TUNAR: variants seen among roughly 807,000 people sequenced by gnomAD.
TUNAR encodes transmembrane neural differentiation associated intracellular calcium regulator, also known as protein TUNAR.
intron 2 of TUNAR, among the ~76,000 whole-genome samples, chr14:95,881,220 A>G (rs1407272253): frequency 6.6e-6 from 1 of 152,250 alleles, no homozygotes; most frequent in Admixed American, 6.5e-5. Flanking sequence ...TTGTTAATGC[A>G]TTAGATTTCT....
intron 2 of TUNAR, among the ~76,000 whole-genome samples, chr14:95,921,337 C>A (rs892573536): frequency 1.3e-5 from 2 of 152,304 alleles, no homozygotes; most frequent in South Asian, 2.1e-4. Flanking sequence ...AAAGGCACAG[C>A]CCTCCAGTGG....
intron 2 of TUNAR, among the ~76,000 whole-genome samples, chr14:95,913,577 A>G (rs1336629135): frequency 6.6e-6 from 1 of 152,212 alleles, no homozygotes; most frequent in Non-Finnish European, 1.5e-5. Context: ...ATTTCTTAGA[A>G]TTGGCTCTGA....
At chr14:95,905,638 T>C (rs1889418391) in intron 2 of TUNAR, among the ~76,000 whole-genome samples, 1 of 152,236 alleles carries the variant, frequency 6.6e-6, no homozygotes, top group Non-Finnish European at 1.5e-5. Context: ...AAAGTCACTG[T>C]CTTTTCTTCG....
intron 2 of TUNAR, among the ~76,000 whole-genome samples, chr14:95,885,877 T>G (rs941256842): frequency 1.3e-5 from 2 of 152,136 alleles, no homozygotes; most frequent in African/African-American, 4.8e-5. Flanking sequence ...TTGTCCCGGG[T>G]GTAACCTCAG....
chr14:95,896,769 G>C (rs11848167), intron 2 of TUNAR, among the ~76,000 whole-genome samples: 8,671 of 152,268 alleles, frequency 0.057, 826 homozygotes, highest in African/African-American at 0.2. Context: ...TTGTTATGTT[G>C]ATATCATGCG....
chr14:95,913,323 C>T (rs576276046), intron 2 of TUNAR, among the ~76,000 whole-genome samples: 2 of 152,020 alleles, frequency 1.3e-5, no homozygotes, highest in African/African-American at 2.4e-5. Flanking sequence ...CCCTTGTCCC[C>T]CACTCCCCGA....
exon 3 of TUNAR, chr14:95,923,732 C>T (rs1297885278): frequency 1.3e-5 from 2 of 151,746 alleles, no homozygotes; most frequent in Non-Finnish European, 3.0e-5. Flanking sequence ...TTCTCTCTCT[C>T]TCCTCTCTCT....
intron 2 of TUNAR, among the ~76,000 whole-genome samples, chr14:95,900,950 C>A (rs925705956): frequency 3.3e-5 from 5 of 152,154 alleles, no homozygotes; most frequent in African/African-American, 9.7e-5. Context: ...TTATAGGTGC[C>A]TTTTGCTTCT....
At chr14:95,883,661 G>T (rs748501147) in intron 2 of TUNAR, among the ~76,000 whole-genome samples, 1 of 152,142 alleles carries the variant, frequency 6.6e-6, no homozygotes, top group African/African-American at 2.4e-5. Context: ...GGTGGGGAGA[G>T]CCCAGGCTGG....
rs559140935 is a variant in TUNAR at position 95,916,508 on chromosome 14, G to A, written c.13-6273G>A. On this transcript the variant is annotated intron_variant, in intron 2 of 2. Transcript: ENST00000678517. ...TTTTCCAGCATGAGAACTCACAACG[G>A]TAGATCCAGGCCACCGCTGATGGCC... 9.7e-4 allele frequency among the ~76,000 whole-genome samples: 148 copies of A among 152,270 alleles called. 1 individual carries two copies. The highest frequency in any genetic ancestry group is 3.3e-3 in the African/African-American group (139 of 41,550).
At position 95,910,064 on chromosome 14, in the gene TUNAR, C is replaced by T. The variant is rs374106028; in HGVS notation, c.13-12717C>T. Reference sequence around the variant, plus strand: ...TGGCTGCGTGATTTAAATCGCAACTCGGTGTATGATCATTTCTTTACTTTT... The same window carrying T: ...TGGCTGCGTGATTTAAATCGCAACTTGGTGTATGATCATTTCTTTACTTTT... On this transcript the variant is annotated intron_variant, in intron 2 of 2. Transcript: ENST00000678517. Among the ~76,000 whole-genome samples the T allele has an allele frequency of 4.6e-5, 7 of 152,280 alleles. No individual in the cohort carries two copies. The East Asian group carries it at 5.8e-4, about 13-fold the overall frequency.
chr14:95,888,199 T>C (rs1889108775), intron 2 of TUNAR, among the ~76,000 whole-genome samples: 1 of 152,196 alleles, frequency 6.6e-6, no homozygotes, highest in Non-Finnish European at 1.5e-5. Context: ...TAACAACAAT[T>C]AATGGTAATC....
chr14:95,905,895 G>A (rs527386386), intron 2 of TUNAR, among the ~76,000 whole-genome samples: 1 of 152,216 alleles, frequency 6.6e-6, no homozygotes, highest in Admixed American at 6.5e-5. Context: ...ATTTACTTAT[G>A]TCAATGAAAA....
chr14:95,912,813 G>C (rs1375249426), intron 2 of TUNAR, among the ~76,000 whole-genome samples: 2 of 151,350 alleles, frequency 1.3e-5, no homozygotes, highest in Non-Finnish European at 2.9e-5. Flanking sequence ...TTTTTTGAGA[G>C]GGAGTCTCGC....
At chr14:95,918,233 C>A (rs56039143) in intron 2 of TUNAR, among the ~76,000 whole-genome samples, 15,550 of 152,240 alleles carry the variant, frequency 0.1, 942 homozygotes, top group South Asian at 0.22. Flanking sequence ...TATCCATCCC[C>A]TCAAGCATCT....
At chr14:95,882,537 G>A (rs1176708350) in intron 2 of TUNAR, among the ~76,000 whole-genome samples, 1 of 152,148 alleles carries the variant, frequency 6.6e-6, no homozygotes, top group African/African-American at 2.4e-5. Context: ...AAAAACCTTC[G>A]CCTTCCTAAG....
chr14:95,911,871 C>CA (rs1889520959), intron 2 of TUNAR, among the ~76,000 whole-genome samples: 2 of 152,180 alleles, frequency 1.3e-5, no homozygotes. Context: ...TTAAATGACC[C>CA]AAAACCCAAC....
At chr14:95,896,954 T>A (rs1444168354) in intron 2 of TUNAR, among the ~76,000 whole-genome samples, 5 of 152,210 alleles carry the variant, frequency 3.3e-5, no homozygotes, top group Non-Finnish European at 7.3e-5. Context: ...ACTTTACAGT[T>A]TATGCCATGA....
chr14:95,889,323 A>C (rs1197014102), intron 2 of TUNAR, among the ~76,000 whole-genome samples: 3 of 152,150 alleles, frequency 2.0e-5, no homozygotes, highest in African/African-American at 7.2e-5. Context: ...ATATTAAAAG[A>C]TTTTCTTCTA....
Sources: gnomAD v4.1 joint callset for allele counts (sites outside exome capture counted in the v4.1 genomes callset) on GRCh38, gnomAD v4.1.1 for gene constraint, MANE v1.5 for transcripts, NCBI Gene and HGNC (gene_info 2026-07-23, HGNC 2026-07-21) for gene names.